FILIP1L: variants seen among roughly 807,000 people sequenced by gnomAD.
The protein encoded by FILIP1L is filamin A interacting protein 1 like.
In FILIP1L, 55 loss-of-function variants were observed where a neutral mutation model predicts 96.6. The observed-to-expected ratio is 0.57, with a 90% CI of 0.46 to 0.71. FILIP1L has a LOEUF of 0.71. Ranked by LOEUF, FILIP1L falls within the 30% of genes least tolerant of loss-of-function variation. The pLI is 0.00. For synonymous variants in FILIP1L, 467 were observed against 473.9 expected, an observed-to-expected ratio of 0.99 and a Z score of 0.19; for missense variants, 1,304 against 1,321.2, an observed-to-expected ratio of 0.99 and a Z score of 0.20.
intron 1 of FILIP1L, among the ~76,000 whole-genome samples, chr3:99,962,455 A>G (rs1012621793): frequency 2.0e-5 from 3 of 152,188 alleles, no homozygotes; most frequent in Admixed American, 1.3e-4. Context: ...TTGTTAGAGA[A>G]AGGATATATT....
intron 1 of FILIP1L, among the ~76,000 whole-genome samples, chr3:99,996,673 G>A (rs762246825): frequency 6.6e-5 from 10 of 152,090 alleles, no homozygotes; most frequent in Non-Finnish European, 1.0e-4. Flanking sequence ...GGCAAAAGGC[G>A]CTTCTTACAT....
chr3:99,968,429 GA>G (rs1201793323), intron 1 of FILIP1L, among the ~76,000 whole-genome samples: 52 of 148,586 alleles, frequency 3.5e-4, no homozygotes, highest in East Asian at 5.9e-4. Flanking sequence ...GTTTTTGGGG[GA>G]AAAAAAAAAA....
chr3:100,102,015 G>T (rs540440254), intron 1 of FILIP1L, among the ~76,000 whole-genome samples: 69 of 151,962 alleles, frequency 4.5e-4, no homozygotes, highest in African/African-American at 9.2e-4. Flanking sequence ...TAATCCAGTC[G>T]ATCATTGTTG....
chr3:100,036,383 T>G (rs1200131888), intron 1 of FILIP1L, among the ~76,000 whole-genome samples: 1 of 152,150 alleles, frequency 6.6e-6, no homozygotes, highest in Non-Finnish European at 1.5e-5. Flanking sequence ...GATGAGGACA[T>G]GTCAAAAGGA....
chr3:99,956,539 G>A (rs1186045272), intron 1 of FILIP1L, among the ~76,000 whole-genome samples: 2 of 152,150 alleles, frequency 1.3e-5, no homozygotes, highest in East Asian at 3.9e-4. Flanking sequence ...TATAGATGGG[G>A]TTTCACCACG....
intron 1 of FILIP1L, among the ~76,000 whole-genome samples, chr3:99,985,259 T>A (rs1216520625): frequency 1.3e-5 from 2 of 152,146 alleles, no homozygotes. Context: ...GGGCCCATCA[T>A]GGTGGCTCAC....
At chr3:99,941,647 G>A (rs1254193870) in intron 1 of FILIP1L, among the ~76,000 whole-genome samples, 1 of 152,104 alleles carries the variant, frequency 6.6e-6, no homozygotes, top group Non-Finnish European at 1.5e-5. Context: ...AAATAATAGG[G>A]AATAATTATA....
At chr3:99,893,364 A>G (rs1706151364) in intron 4 of FILIP1L, among the ~76,000 whole-genome samples, 1 of 151,790 alleles carries the variant, frequency 6.6e-6, no homozygotes, top group African/African-American at 2.4e-5. Flanking sequence ...ACGGGGTTTC[A>G]CTGTATTAGC....
intron 1 of FILIP1L, among the ~76,000 whole-genome samples, chr3:100,066,912 C>T (rs2065675191): frequency 6.6e-6 from 1 of 152,132 alleles, no homozygotes; most frequent in South Asian, 2.1e-4. Context: ...TATAGCCAGT[C>T]ATTACTTGTT....
At chr3:100,104,138 T>C (rs2066355675) in intron 1 of FILIP1L, among the ~76,000 whole-genome samples, 2 of 152,126 alleles carry the variant, frequency 1.3e-5, no homozygotes, top group Non-Finnish European at 1.5e-5. Context: ...AGAGCACAGG[T>C]TACAATGAGA....
chr3:99,878,745 G>T (rs183516456), intron 4 of FILIP1L, among the ~76,000 whole-genome samples: 5 of 152,300 alleles, frequency 3.3e-5, no homozygotes, highest in Non-Finnish European at 7.3e-5. Context: ...GAAAGTCAAG[G>T]GTTTTGAGGG....
chr3:99,950,150 C>T (rs1205066898), intron 1 of FILIP1L, among the ~76,000 whole-genome samples: 1 of 152,168 alleles, frequency 6.6e-6, no homozygotes, highest in Non-Finnish European at 1.5e-5. Context: ...AAGGAGCCAC[C>T]TACTGTAACT....
At chr3:99,905,433 C>T (rs114700741) in intron 4 of FILIP1L, among the ~76,000 whole-genome samples, 118 of 152,242 alleles carry the variant, frequency 7.8e-4, no homozygotes, top group African/African-American at 2.7e-3. Context: ...GTCATCAGGG[C>T]CCACAGCAAT....
At chr3:99,842,660 G>T (rs1199815817) in intron 5 of FILIP1L, among the ~76,000 whole-genome samples, 1 of 152,082 alleles carries the variant, frequency 6.6e-6, no homozygotes, top group Non-Finnish European at 1.5e-5. Context: ...TATTTCTCTT[G>T]ATCAACAATT....
rs1333939473 is a variant in FILIP1L at position 100,035,374 on chromosome 3, A to G, written c.-11+78679T>C. The stretch of plus-strand genomic sequence containing the variant: ...CTGCAACCCCCGCCTCCTGGGTTCA[A>G]GCAATTCTCCTGCCTCAGCCTCCGG... On this transcript the variant is annotated intron_variant, in intron 1 of 5. Coordinates refer to ENST00000477258, the MANE Select transcript of FILIP1L (RefSeq NM_001387850.1). 2.0e-5 allele frequency among the ~76,000 whole-genome samples: 3 copies of G among 152,248 alleles called. No individual in the cohort carries two copies. In the East Asian group the frequency reaches 5.8e-4, roughly 29 times the overall value.
chr3:99,987,777 C>G (rs1004634712), intron 1 of FILIP1L, among the ~76,000 whole-genome samples: 2 of 152,116 alleles, frequency 1.3e-5, no homozygotes, highest in Middle Eastern at 3.2e-3. Context: ...AAATTGCATG[C>G]ATATGTCCAA....
At chr3:100,057,322 T>C (rs143927839) in intron 1 of FILIP1L, among the ~76,000 whole-genome samples, 1 of 152,326 alleles carries the variant, frequency 6.6e-6, no homozygotes, top group Non-Finnish European at 1.5e-5. Context: ...GATGACATGA[T>C]CTCTAGGCCA....
At chr3:99,990,561 CA>C (rs1272636792) in intron 1 of FILIP1L, among the ~76,000 whole-genome samples, 1 of 152,126 alleles carries the variant, frequency 6.6e-6, no homozygotes, top group East Asian at 1.9e-4. Context: ...GTCATGGCCA[CA>C]ATTAGAATTA....
At chr3:100,096,914 T>TA (rs1357358862) in intron 1 of FILIP1L, among the ~76,000 whole-genome samples, 1 of 152,002 alleles carries the variant, frequency 6.6e-6, no homozygotes, top group Non-Finnish European at 1.5e-5. Flanking sequence ...CCACAAAAAT[T>TA]AAAAATAAAA....
Sources: gnomAD v4.1 joint callset for allele counts (sites outside exome capture counted in the v4.1 genomes callset) on GRCh38, gnomAD v4.1.1 for gene constraint, MANE v1.5 for transcripts, NCBI Gene and HGNC (gene_info 2026-07-23, HGNC 2026-07-21) for gene names.